GALNTL6: variants seen among roughly 807,000 people sequenced by gnomAD.
GALNTL6 encodes the protein polypeptide N-acetylgalactosaminyltransferase like 6.
Under a neutral mutation model 73.7 loss-of-function variants are expected in GALNTL6, and 46 were observed. The observed-to-expected ratio is 0.62, with a 90% CI of 0.49 to 0.80. GALNTL6 has a LOEUF of 0.80. Among genes scored for constraint, GALNTL6 ranks in the 30% least tolerant of loss-of-function variants. The pLI is 0.00. For synonymous variants in GALNTL6, 259 were observed against 263.7 expected (o/e 0.98, Z 0.17); for missense variants, 604 against 755.0 (o/e 0.80, Z 2.34).
In GALNTL6 at chr4:172,196,260, C is replaced by T. The variant is rs369004532; in HGVS notation, c.139-33396C>T. ...AGACTGAAATACGAAGAAGGTGAAT[C>T]CGTGAATAGACCAATAATGAATTCT... On this transcript the variant is annotated intron_variant, in intron 2 of 12. Transcript: ENST00000506823. 5.9e-5 allele frequency among the ~76,000 whole-genome samples: 9 copies of T among 152,178 alleles called. No individual in the cohort carries two copies. The East Asian group carries it at 9.7e-4, about 16-fold the overall frequency.
intron 5 of GALNTL6, among the ~76,000 whole-genome samples, chr4:172,684,568 A>C (rs1385841598): frequency 6.6e-6 from 1 of 152,182 alleles, no homozygotes; most frequent in Non-Finnish European, 1.5e-5. Flanking sequence ...TATAAGAGAG[A>C]GAAATTCAGG....
At chr4:172,168,621 TGCTGGTGATGGTGATGTTGATGAA>T (rs1734710996) in intron 2 of GALNTL6, among the ~76,000 whole-genome samples, 1 of 151,886 alleles carries the variant, frequency 6.6e-6, no homozygotes, top group Admixed American at 6.6e-5. Context: ...ACAATGGCGA[TGCTGGTGATGGTGATGTTGATGAA>T]GCTGGTGATG....
At chr4:172,588,462 C>T (rs1028576203) in intron 5 of GALNTL6, among the ~76,000 whole-genome samples, 1 of 150,312 alleles carries the variant, frequency 6.7e-6, no homozygotes, top group Admixed American at 6.7e-5. Context: ...AGCGTGGTGG[C>T]GTGTACCTGT....
At chr4:172,845,305 C>T (rs1743440215) in intron 7 of GALNTL6, among the ~76,000 whole-genome samples, 1 of 151,362 alleles carries the variant, frequency 6.6e-6, no homozygotes, top group South Asian at 2.1e-4. Context: ...GCGTAAAAAA[C>T]TCCTATTTCC....
chr4:173,039,272 T>G (rs1753810115), intron 12 of GALNTL6, among the ~76,000 whole-genome samples: 1 of 152,214 alleles, frequency 6.6e-6, no homozygotes, highest in South Asian at 2.1e-4. Context: ...ATAAAGGGAT[T>G]GAGAGGAGAC....
chr4:171,957,028 G>A (rs1353396377), intron 2 of GALNTL6, among the ~76,000 whole-genome samples: 1 of 152,140 alleles, frequency 6.6e-6, no homozygotes, highest in Non-Finnish European at 1.5e-5. Context: ...AGGACTTAAG[G>A]TCTTGCCACA....
chr4:172,394,876 T>C (rs141030607), intron 5 of GALNTL6, among the ~76,000 whole-genome samples: 1 of 152,348 alleles, frequency 6.6e-6, no homozygotes, highest in East Asian at 1.9e-4. Flanking sequence ...TGGTCTGTTT[T>C]GGCTGCTTTT....
intron 2 of GALNTL6, among the ~76,000 whole-genome samples, chr4:171,829,999 G>A (rs1432239096): frequency 6.6e-6 from 1 of 152,018 alleles, no homozygotes. Flanking sequence ...TTGATGGACA[G>A]ATTAAAAGAC....
At chr4:172,946,947 G>A (rs1749196234) in intron 9 of GALNTL6, among the ~76,000 whole-genome samples, 1 of 152,252 alleles carries the variant, frequency 6.6e-6, no homozygotes, top group Admixed American at 6.5e-5. Context: ...GGCACGAAAA[G>A]GGAGAAGAAA....
intron 2 of GALNTL6, among the ~76,000 whole-genome samples, chr4:171,882,630 T>C (rs1736481735): frequency 6.6e-6 from 1 of 152,132 alleles, no homozygotes. Context: ...GCCGAAGAGC[T>C]TAGAGTCTGA....
At chr4:171,980,055 A>T (rs1739851580) in intron 2 of GALNTL6, among the ~76,000 whole-genome samples, 1 of 152,228 alleles carries the variant, frequency 6.6e-6, no homozygotes, top group South Asian at 2.1e-4. Context: ...AGGCAAAAAA[A>T]TTAATTAGCA....
intron 8 of GALNTL6, among the ~76,000 whole-genome samples, chr4:172,913,243 C>G (rs1747310725): frequency 6.6e-6 from 1 of 152,178 alleles, no homozygotes; most frequent in Non-Finnish European, 1.5e-5. Flanking sequence ...AGGTCACCAT[C>G]ATCAAAGACC....
At chr4:172,104,726 T>A (rs1732630228) in intron 2 of GALNTL6, among the ~76,000 whole-genome samples, 1 of 152,166 alleles carries the variant, frequency 6.6e-6, no homozygotes, top group African/African-American at 2.4e-5. Flanking sequence ...TTGATAGTCA[T>A]GGCTAATGAG....
chr4:172,280,128 G>T (rs543918609), intron 3 of GALNTL6, among the ~76,000 whole-genome samples: 125 of 152,200 alleles, frequency 8.2e-4, no homozygotes, highest in Non-Finnish European at 1.6e-3. Flanking sequence ...TTTTTGTTTT[G>T]CAAGAAGAAA....
chr4:172,986,668 G>C (rs1429026100), intron 10 of GALNTL6, among the ~76,000 whole-genome samples: 7 of 152,172 alleles, frequency 4.6e-5, no homozygotes, highest in Admixed American at 4.6e-4. Context: ...TTGCAGATGG[G>C]CTATGCTCCT....
At chr4:172,185,393 A>G (rs944846219) in intron 2 of GALNTL6, among the ~76,000 whole-genome samples, 2 of 152,196 alleles carry the variant, frequency 1.3e-5, no homozygotes, top group East Asian at 1.9e-4. Flanking sequence ...ACGCTAAATG[A>G]TCGTTACACC....
intron 4 of GALNTL6, among the ~76,000 whole-genome samples, chr4:172,342,736 G>A (rs1356793189): frequency 6.6e-6 from 1 of 152,096 alleles, no homozygotes; most frequent in Non-Finnish European, 1.5e-5. Context: ...TTCTAAAGAA[G>A]GCAGAAGACT....
At chr4:172,683,220 T>C (rs74838725) in intron 5 of GALNTL6, among the ~76,000 whole-genome samples, 6,904 of 152,230 alleles carry the variant, frequency 0.045, 310 homozygotes, top group African/African-American at 0.11. Flanking sequence ...ATCTGTCATG[T>C]CATCTAAAAG....
At chr4:172,393,720 A>T (rs961381215) in intron 5 of GALNTL6, among the ~76,000 whole-genome samples, 6 of 152,222 alleles carry the variant, frequency 3.9e-5, no homozygotes, top group African/African-American at 1.4e-4. Flanking sequence ...TGTGGTAATG[A>T]GTATCTGACT....
Sources: gnomAD v4.1 joint callset for allele counts (sites outside exome capture counted in the v4.1 genomes callset) on GRCh38, gnomAD v4.1.1 for gene constraint, MANE v1.5 for transcripts, NCBI Gene and HGNC (gene_info 2026-07-23, HGNC 2026-07-21) for gene names.